Variants in RFT1 observed in about 807,000 individuals in gnomAD.
RFT1 encodes the protein RFT1 glycolipid translocator homolog, also known as man(5)GlcNAc(2)-PP-dolichol translocation protein RFT1.
Under a neutral mutation model 62.2 loss-of-function variants are expected in RFT1, and 43 were observed. The observed-to-expected ratio is 0.69, with a 90% CI of 0.54 to 0.89. RFT1 has a LOEUF of 0.89. RFT1 is among the 40% of genes least tolerant of loss of function. The pLI, the probability that RFT1 is intolerant of heterozygous loss-of-function variation, is 0.00. For missense variants in RFT1, 605 were observed against 649.9 expected (o/e 0.93, Z 0.75); for synonymous variants, 262 against 264.6 (o/e 0.99, Z 0.10).
At position 53,099,385 on chromosome 3, in the gene RFT1, C is replaced by T. The variant is rs760448271; in HGVS notation, c.1204G>A (p.Asp402Asn). The change falls in exon 11 of 13, where the codon GAC becomes AAC. Residue 402 changes from aspartate (D) to asparagine (N), a missense_variant. Physicochemically the swap from Asp to Asn is conservative, Grantham distance 23. Transcript: ENST00000296292. The part of the protein sequence containing the change: ...TFAAMSKEEV[D>N]RYNFVMLALS... ...TGTACCTGCTAGGTTACCCACCTGT[C>T]GACCTCCTCTTTGCTCATGGCAGCA... 1.7e-5 allele frequency: 27 copies of T among 1,613,190 alleles called. No individual in the cohort carries two copies. Among genetic ancestry groups the T allele is most frequent in the East Asian group, 2.2e-5 (1 of 44,892 alleles).
Position 53,125,946 on chromosome 3 carries a change from A to T in RFT1, c.112T>A (p.Phe38Ile). ...ACGCCAACGATTTCCTTTGACAGGA[A>T]GCGAAGAATAAATGCATTCAAGACA... Reference protein sequence around the residue: ...TFVLNAFILRFLSKEIVGVVN... With the variant: ...TFVLNAFILRILSKEIVGVVN... Residue 38 changes from phenylalanine (F) to isoleucine (I), a missense_variant, in exon 2 of 13, where the codon TTC (phenylalanine) becomes ATC (isoleucine). Coordinates refer to ENST00000296292, the MANE Select transcript of RFT1 (RefSeq NM_052859.4). 1.9e-6 allele frequency: 3 copies of T among 1,613,938 alleles called. No homozygotes were observed. Among genetic ancestry groups the T allele is most frequent in the Middle Eastern group, 1.7e-4 (1 of 6,060 alleles).
chr3:53,098,586 A>G (rs1234405390), intron 11 of RFT1, among the ~76,000 whole-genome samples: 6 of 152,080 alleles, frequency 3.9e-5, no homozygotes, highest in Admixed American at 6.5e-5. Context: ...GAGAATCACA[A>G]GGTCAGGAGA....
At chr3:53,073,947 A>G in the RFT1 span, among the ~76,000 whole-genome samples, 1 of 152,190 alleles carries the variant, frequency 6.6e-6, no homozygotes. Context: ...CCTGCTTCCA[A>G]TTAGCACTAA....
intron 2 of RFT1, among the ~76,000 whole-genome samples, chr3:53,124,409 A>C (rs1476950199): frequency 6.6e-6 from 1 of 152,164 alleles, no homozygotes; most frequent in Non-Finnish European, 1.5e-5. Context: ...TCCCCTCCTC[A>C]ATAGACAGCC....
At chr3:53,071,400 C>T in the RFT1 span, among the ~76,000 whole-genome samples, 1 of 152,196 alleles carries the variant, frequency 6.6e-6, no homozygotes, top group Admixed American at 6.5e-5. Context: ...GCCCCAGATA[C>T]TTAGCTGGAG....
chr3:53,105,392 C>T (rs973757179), intron 9 of RFT1, among the ~76,000 whole-genome samples: 2 of 140,356 alleles, frequency 1.4e-5, no homozygotes, highest in African/African-American at 2.6e-5. Flanking sequence ...CCAGGCTGGG[C>T]GTCAGAGCAA....
intron 9 of RFT1, 24 bp from the exon 10 acceptor site, chr3:53,104,121 A>C: frequency 6.2e-7 from 1 of 1,613,808 alleles, no homozygotes; most frequent in Non-Finnish European, 8.5e-7. Context: ...AGAGGGAAGG[A>C]AGTTGGATGA....
At chr3:53,110,479 G>A (rs1265989007) in intron 7 of RFT1, among the ~76,000 whole-genome samples, 2 of 152,112 alleles carry the variant, frequency 1.3e-5, no homozygotes, top group Non-Finnish European at 2.9e-5. Flanking sequence ...GAAGGCCTCG[G>A]AACGGTTTCA....
chr3:53,129,752 G>A (rs1263019866), intron 1 of RFT1, among the ~76,000 whole-genome samples: 3 of 152,128 alleles, frequency 2.0e-5, no homozygotes, highest in Non-Finnish European at 4.4e-5. Flanking sequence ...TAAGAGCCGG[G>A]TACTGTGTTA....
At chr3:53,104,623 G>A (rs2107111235) in intron 9 of RFT1, among the ~76,000 whole-genome samples, 1 of 152,346 alleles carries the variant, frequency 6.6e-6, no homozygotes, top group Non-Finnish European at 1.5e-5. Flanking sequence ...TGATGATACT[G>A]TGAAGGTACT....
the RFT1 span, among the ~76,000 whole-genome samples, chr3:53,080,130 TTCTTTCTGTCTTAA>T: frequency 1.3e-5 from 2 of 152,232 alleles, no homozygotes; most frequent in Non-Finnish European, 2.9e-5. Flanking sequence ...GGGCCCCATT[TTCTTTCTGTCTTAA>T]TCTAAGGCTG....
chr3:53,080,293 G>A, the RFT1 span, among the ~76,000 whole-genome samples: 3 of 152,182 alleles, frequency 2.0e-5, no homozygotes, highest in Non-Finnish European at 4.4e-5. Context: ...CAGCCATGGC[G>A]TTTCTTCCCC....
intron 9 of RFT1, among the ~76,000 whole-genome samples, chr3:53,105,351 T>G (rs955458235): frequency 6.6e-6 from 1 of 151,296 alleles, no homozygotes; most frequent in African/African-American, 2.4e-5. Context: ...GAGGTGGAGG[T>G]TGCAGTGAGC....
At chr3:53,071,809 C>A in the RFT1 span, among the ~76,000 whole-genome samples, 1 of 152,206 alleles carries the variant, frequency 6.6e-6, no homozygotes, top group Non-Finnish European at 1.5e-5. Context: ...TATCCCCAGC[C>A]CCAGGTAGAG....
chr3:53,072,274 C>T, the RFT1 span, among the ~76,000 whole-genome samples: 1 of 152,154 alleles, frequency 6.6e-6, no homozygotes, highest in African/African-American at 2.4e-5. Context: ...TCAGCATCAT[C>T]CTGCCCGGGC....
chr3:53,114,026 A>C (rs770915327), intron 6 of RFT1, among the ~76,000 whole-genome samples: 3 of 152,172 alleles, frequency 2.0e-5, no homozygotes, highest in Non-Finnish European at 4.4e-5. Flanking sequence ...CCCTGATGAG[A>C]AGGAAATTGG....
At chr3:53,084,588 C>T (rs572825262), downstream of RFT1, among the ~76,000 whole-genome samples, 1 of 152,198 alleles carries the variant, frequency 6.6e-6, no homozygotes, top group Admixed American at 6.5e-5. Flanking sequence ...ACTGCGATGA[C>T]AGCTCCCGAG....
At chr3:53,070,389 T>C in the RFT1 span, among the ~76,000 whole-genome samples, 28 of 128,684 alleles carry the variant, frequency 2.2e-4, no homozygotes, top group South Asian at 7.1e-3. Flanking sequence ...AGCCCTGTAT[T>C]ATGGTTTTTT....
intron 11 of RFT1, among the ~76,000 whole-genome samples, chr3:53,094,574 C>T (rs1185272517): frequency 5.3e-5 from 8 of 151,984 alleles, no homozygotes; most frequent in Admixed American, 4.6e-4. Context: ...ACAAGCCACT[C>T]AAATGGGACC....
Sources: allele counts gnomAD v4.1 joint callset (sites outside exome capture counted in the v4.1 genomes callset), GRCh38; gene constraint gnomAD v4.1.1; transcripts MANE v1.5; gene names NCBI Gene and HGNC (gene_info 2026-07-23, HGNC 2026-07-21).